TNR: variants seen among roughly 807,000 people sequenced by gnomAD.
The protein encoded by TNR is tenascin R, also known as tenascin-R.
TNR carries 45 observed loss-of-function variants against 150.4 expected under a neutral mutation model. The observed-to-expected ratio is 0.30, with a 90% confidence interval of 0.24 to 0.38. TNR has a LOEUF of 0.38. Among genes scored for constraint, TNR ranks in the 10% least tolerant of loss-of-function variants. The pLI is 1.00. For synonymous variants in TNR, 687 were observed against 678.4 expected (o/e 1.01, Z -0.20); for missense variants, 1,544 against 1,759.1 (o/e 0.88, Z 2.19).
rs1031112363 is a variant in TNR, at chr1:175,649,014, C to T, written c.-165+94212G>A. ...ACTGCATCCTTGCCTCCACACTGAC[C>T]TCTATGACCTTGATTCCTCCCCATA... is the stretch of plus-strand genomic sequence containing the variant. On this transcript the variant is annotated intron_variant, in intron 1 of 22. Coordinates refer to ENST00000367674, the MANE Select transcript of TNR (RefSeq NM_003285.3). Among the ~76,000 whole-genome samples, 17 of 152,298 alleles carry T rather than the reference C, an allele frequency of 1.1e-4. No homozygotes were observed. The South Asian group carries it at 1.7e-3, about 15-fold the overall frequency.
At chr1:175,525,746 G>T (rs1423001177) in intron 2 of TNR, among the ~76,000 whole-genome samples, 1 of 152,186 alleles carries the variant, frequency 6.6e-6, no homozygotes, top group Non-Finnish European at 1.5e-5. Flanking sequence ...TTAAGCTCAA[G>T]GTTTAGCTTC....
intron 4 of TNR, among the ~76,000 whole-genome samples, chr1:175,401,766 C>A (rs549502141): frequency 6.6e-6 from 1 of 152,310 alleles, no homozygotes; most frequent in African/African-American, 2.4e-5. Context: ...GGCTTTCCCC[C>A]TTAAACTGAT....
chr1:175,350,682 T>C (rs780425219), intron 18 of TNR, among the ~76,000 whole-genome samples: 1 of 152,176 alleles, frequency 6.6e-6, no homozygotes, highest in Non-Finnish European at 1.5e-5. Context: ...AGGGAAGACA[T>C]CTTGATCAAA....
chr1:175,595,875 T>G (rs1662985706), intron 1 of TNR, among the ~76,000 whole-genome samples: 1 of 152,220 alleles, frequency 6.6e-6, no homozygotes, highest in Non-Finnish European at 1.5e-5. Context: ...CATAACATCC[T>G]TATGAGGTAG....
At chr1:175,484,767 C>T (rs748378409) in intron 2 of TNR, among the ~76,000 whole-genome samples, 7 of 152,170 alleles carry the variant, frequency 4.6e-5, no homozygotes, top group African/African-American at 9.7e-5. Context: ...AATAAAGATG[C>T]AGAGATGTCT....
At chr1:175,324,545 C>A in intron 21 of TNR, 26 bp from the exon 22 acceptor site, 1 of 1,609,326 alleles carries the variant, frequency 6.2e-7, no homozygotes, top group East Asian at 2.2e-5. Context: ...ATTCATTAGG[C>A]TGTCCCATTT....
intron 2 of TNR, among the ~76,000 whole-genome samples, chr1:175,437,371 C>G (rs975988196): frequency 6.5e-4 from 99 of 152,150 alleles, no homozygotes; most frequent in Non-Finnish European, 1.1e-3. Context: ...GGGACACATT[C>G]AAAGCAGTGT....
In TNR at chr1:175,408,189, G is replaced by A. The variant is rs1243958533; in HGVS notation, c.-63-1412C>T. On this transcript the variant is annotated intron_variant, in intron 2 of 22. Transcript: ENST00000367674. ...CTGCTAAGTCCTTGTCGGTCAGACCGTGTCTTATCTGCAATGTGTGACCGT... is the reference window on the plus strand; with the variant it reads ...CTGCTAAGTCCTTGTCGGTCAGACCATGTCTTATCTGCAATGTGTGACCGT... Among the ~76,000 whole-genome samples the A allele has an allele frequency of 2.6e-5, 4 of 152,286 alleles. No homozygotes were observed. The East Asian group carries it at 7.7e-4, about 29-fold the overall frequency.
Position 175,386,062 on chromosome 1 carries a change from T to C in TNR, c.1747A>G (p.Ser583Gly). ...GTGAACTGAGTGGTGGCAGAATCGC[T>C]CTCGTTGGTCCCTCGGACGGCACTG... ...SVSAVRGTNE[S>G]DSATTQFTTE... Residue 583 changes from serine to glycine, a missense_variant, in exon 8 of 23, where the codon AGC (serine) becomes GGC (glycine). This residue lies in a region of TNR where 1,254 missense variants were observed against 1,329.4 expected (regional missense o/e 0.94). Coordinates refer to ENST00000367674, the MANE Select transcript of TNR (RefSeq NM_003285.3). 6.2e-7 allele frequency: 1 copy of C among 1,602,596 alleles called. No individual in the cohort carries two copies. Among genetic ancestry groups the C allele is most frequent in the South Asian group, 1.1e-5 (1 of 90,482 alleles).
intron 1 of TNR, among the ~76,000 whole-genome samples, chr1:175,544,449 C>T (rs1660612421): frequency 1.3e-5 from 2 of 152,146 alleles, no homozygotes; most frequent in African/African-American, 4.8e-5. Flanking sequence ...CTGATTTAAA[C>T]ATTTGGGTTA....
chr1:175,553,855 A>T (rs1332880275), intron 1 of TNR, among the ~76,000 whole-genome samples: 3 of 117,672 alleles, frequency 2.5e-5, no homozygotes, highest in Non-Finnish European at 5.9e-5. Flanking sequence ...CACAAACAAT[A>T]ATTACCCAAT....
At chr1:175,558,961 A>G (rs1208746614) in intron 1 of TNR, among the ~76,000 whole-genome samples, 1 of 152,212 alleles carries the variant, frequency 6.6e-6, no homozygotes, top group Non-Finnish European at 1.5e-5. Flanking sequence ...CAATTATAAC[A>G]TATGTGCCAC....
intron 1 of TNR, among the ~76,000 whole-genome samples, chr1:175,703,876 C>T (rs1571770396): frequency 6.6e-6 from 1 of 152,280 alleles, no homozygotes; most frequent in East Asian, 1.9e-4. Flanking sequence ...TCCTGGCTAC[C>T]ACTTGCCAAT....
chr1:175,394,144 G>A (rs1653310702), intron 5 of TNR, among the ~76,000 whole-genome samples: 2 of 152,200 alleles, frequency 1.3e-5, no homozygotes, highest in Non-Finnish European at 2.9e-5. Context: ...AATTTTTAAT[G>A]CTTTTTATTG....
chr1:175,566,960 T>A (rs1661668240), intron 1 of TNR, among the ~76,000 whole-genome samples: 1 of 152,220 alleles, frequency 6.6e-6, no homozygotes, highest in African/African-American at 2.4e-5. Context: ...GTGGCACATC[T>A]TGTGTGCCAT....
intron 2 of TNR, among the ~76,000 whole-genome samples, chr1:175,509,648 T>A (rs1487285106): frequency 6.6e-6 from 1 of 152,128 alleles, no homozygotes; most frequent in Non-Finnish European, 1.5e-5. Flanking sequence ...TTCCAGAAAA[T>A]GATCTTTTCC....
chr1:175,468,000 T>C (rs1287836936), intron 2 of TNR, among the ~76,000 whole-genome samples: 2 of 152,176 alleles, frequency 1.3e-5, no homozygotes, highest in African/African-American at 4.8e-5. Flanking sequence ...TAGAAGTTTG[T>C]GATATGATAC....
chr1:175,360,040 G>T (rs1177835251), intron 14 of TNR, among the ~76,000 whole-genome samples: 1 of 152,204 alleles, frequency 6.6e-6, no homozygotes, highest in Non-Finnish European at 1.5e-5. Flanking sequence ...GATATGGCTG[G>T]AATGAATTTT....
intron 1 of TNR, among the ~76,000 whole-genome samples, chr1:175,559,314 T>C (rs1327515330): frequency 6.6e-6 from 1 of 152,198 alleles, no homozygotes; most frequent in East Asian, 1.9e-4. Flanking sequence ...TGAATTTCAT[T>C]ATAATATGTT....
Sources: allele counts gnomAD v4.1 joint callset (sites outside exome capture counted in the v4.1 genomes callset), GRCh38; gene constraint gnomAD v4.1.1; regional missense constraint gnomAD v4.1.1; transcripts MANE v1.5; gene names NCBI Gene and HGNC (gene_info 2026-07-23, HGNC 2026-07-21).